Variants in EXT2 observed in about 807,000 individuals in gnomAD.
EXT2 encodes the protein exostosin glycosyltransferase 2.
Under a neutral mutation model 81.6 loss-of-function variants are expected in EXT2, and 53 were observed. That is an observed-to-expected ratio of 0.65 (90% CI 0.52 to 0.82). The LOEUF is 0.82. EXT2 is among the 40% of genes least tolerant of loss of function. EXT2 has a pLI of 0.00. For missense variants in EXT2, 774 were observed against 910.2 expected (o/e 0.85, Z 1.93); for synonymous variants, 320 against 340.0 (o/e 0.94, Z 0.65).
intron 10 of EXT2, among the ~76,000 whole-genome samples, chr11:44,227,257 C>A (rs1387339093): frequency 1.3e-5 from 2 of 152,202 alleles, no homozygotes; most frequent in East Asian, 1.9e-4. Flanking sequence ...GCATTAACTT[C>A]TTTTTAGGAC....
chr11:44,150,366 C>T (rs1490679331), intron 7 of EXT2, among the ~76,000 whole-genome samples: 1 of 152,058 alleles, frequency 6.6e-6, no homozygotes, highest in African/African-American at 2.4e-5. Context: ...GAAGACAAAA[C>T]CACAATAATG....
chr11:44,210,915 G>GTCAAAA (rs1955640314), intron 10 of EXT2, among the ~76,000 whole-genome samples: 1 of 152,192 alleles, frequency 6.6e-6, no homozygotes, highest in African/African-American at 2.4e-5. Flanking sequence ...AAACAATACA[G>GTCAAAA]TCAAAATCCC....
chr11:44,221,542 A>G (rs892962807), intron 10 of EXT2, among the ~76,000 whole-genome samples: 2 of 152,214 alleles, frequency 1.3e-5, no homozygotes, highest in African/African-American at 4.8e-5. Context: ...GGGATTGATT[A>G]CAGGGGAGCT....
At chr11:44,198,450 AC>A (rs1955484686) in intron 9 of EXT2, among the ~76,000 whole-genome samples, 1 of 151,788 alleles carries the variant, frequency 6.6e-6, no homozygotes, top group Non-Finnish European at 1.5e-5. Flanking sequence ...CCCTGTCCAG[AC>A]TTCAAGTCAG....
intron 10 of EXT2, among the ~76,000 whole-genome samples, chr11:44,221,704 T>C (rs1459880768): frequency 6.6e-6 from 1 of 152,106 alleles, no homozygotes; most frequent in Non-Finnish European, 1.5e-5. Flanking sequence ...CCAGGGTAAA[T>C]CAGAGCAGCC....
At chr11:44,167,154 G>A (rs554348439) in intron 7 of EXT2, among the ~76,000 whole-genome samples, 1 of 152,274 alleles carries the variant, frequency 6.6e-6, no homozygotes, top group Admixed American at 6.5e-5. Flanking sequence ...TTAGAGGTTG[G>A]AGTTAGGGCC....
chr11:44,153,683 TCCTTCTATTCCTAG>T (rs1488186984), intron 7 of EXT2, among the ~76,000 whole-genome samples: 13 of 152,124 alleles, frequency 8.5e-5, no homozygotes, highest in African/African-American at 2.9e-4. Flanking sequence ...AGAGGAAATT[TCCTTCTATTCCTAG>T]TTTGCTGAGA....
intron 8 of EXT2, among the ~76,000 whole-genome samples, chr11:44,179,989 ACCAGAGGT>A (rs1285096078): frequency 6.6e-6 from 1 of 152,210 alleles, no homozygotes; most frequent in Non-Finnish European, 1.5e-5. Context: ...CATTGCTTCA[ACCAGAGGT>A]TGATTCTTGA....
intron 6 of EXT2, among the ~76,000 whole-genome samples, chr11:44,129,786 A>G (rs1305291487): frequency 6.6e-6 from 1 of 152,212 alleles, no homozygotes; most frequent in East Asian, 1.9e-4. Flanking sequence ...TGGCTAGAGC[A>G]CACTAGTGGA....
At chr11:44,205,904 G>C (rs779456047) in intron 9 of EXT2, among the ~76,000 whole-genome samples, 1 of 152,150 alleles carries the variant, frequency 6.6e-6, no homozygotes, top group African/African-American at 2.4e-5. Flanking sequence ...CATGGGTACT[G>C]TACCAAAGAA....
intron 8 of EXT2, among the ~76,000 whole-genome samples, chr11:44,180,018 TC>T (rs1468447144): frequency 6.6e-6 from 1 of 152,252 alleles, no homozygotes; most frequent in Non-Finnish European, 1.5e-5. Flanking sequence ...CTTTTGGCTC[TC>T]CCTTTTTTTT....
rs1471608126 is a variant in EXT2 at position 44,244,281 on chromosome 11, C to T, written c.2151C>T (p.Ser717=). ...TGAAGAGCTTCCCCAACATTGGCAG[C>T]TTATGAAACGTGTCATTGGTGGAGG... ...EKLKSFPNIG[S]L Residue 717 remains serine, a synonymous_variant, in exon 14 of 14, where the codon AGC becomes AGT. Transcript: ENST00000533608. 1 of 1,614,032 alleles carries T rather than the reference C, an allele frequency of 6.2e-7. No homozygotes were observed. The highest frequency in any genetic ancestry group is 1.1e-5 in the South Asian group (1 of 91,064).
rs1956100001 is a variant in EXT2 at position 44,247,022 on chromosome 11, G to A, written c.*2735G>A. ...CTGAGCCACTGGCTTTGCCCCCAGG[G>A]GCCTAACTGGGATGGGCCTGCTTGG... On this transcript the variant is annotated 3_prime_UTR_variant, in exon 14 of 14. Coordinates refer to ENST00000533608, the MANE Select transcript of EXT2 (RefSeq NM_207122.2). 6.6e-6 allele frequency among the ~76,000 whole-genome samples: 1 copy of A among 152,240 alleles called. No individual in the cohort carries two copies. Among genetic ancestry groups the A allele is most frequent in the Admixed American group, 6.5e-5 (1 of 15,290 alleles).
intron 10 of EXT2, among the ~76,000 whole-genome samples, chr11:44,223,377 C>T (rs977199876): frequency 9.7e-4 from 147 of 152,238 alleles, no homozygotes; most frequent in African/African-American, 3.4e-3. Flanking sequence ...CTGAAATCAG[C>T]CCAGGCATCC....
intron 7 of EXT2, among the ~76,000 whole-genome samples, chr11:44,155,524 G>A (rs1954845387): frequency 6.6e-6 from 1 of 151,564 alleles, no homozygotes; most frequent in African/African-American, 2.4e-5. Context: ...GTTACCATGA[G>A]GCTTACAAAT....
chr11:44,171,482 T>A, intron 7 of EXT2, 129 bp from the exon 8 acceptor site: 1 of 1,401,908 alleles, frequency 7.1e-7, no homozygotes, highest in Non-Finnish European at 1.0e-6. Context: ...GCATATGCCC[T>A]AGGCACCCCC....
Position 44,251,879 on chromosome 11 carries a change from A to G in EXT2, c.*7592A>G, listed in dbSNP as rs1040452632. Among the ~76,000 whole-genome samples, 1 of 152,250 alleles carries G rather than the reference A, an allele frequency of 6.6e-6. No homozygotes were observed. Among genetic ancestry groups the G allele is most frequent in the Non-Finnish European group, 1.5e-5 (1 of 68,048 alleles). ...CAAAACAATGTACCTACTTTCGTCA[A>G]GCTTACATTCTAATGAGGAAGATAA... On this transcript the variant is annotated 3_prime_UTR_variant, in exon 14 of 14. Coordinates refer to ENST00000533608, the MANE Select transcript of EXT2 (RefSeq NM_207122.2).
At chr11:44,162,817 C>T (rs1047051085) in intron 7 of EXT2, among the ~76,000 whole-genome samples, 4 of 151,870 alleles carry the variant, frequency 2.6e-5, no homozygotes, top group African/African-American at 9.7e-5. Context: ...AAACATGTTT[C>T]CAGGAGTTGC....
intron 13 of EXT2, among the ~76,000 whole-genome samples, chr11:44,243,221 T>A (rs1956056793): frequency 6.6e-6 from 1 of 152,184 alleles, no homozygotes; most frequent in South Asian, 2.1e-4. Flanking sequence ...AAAAGCAGCT[T>A]TTCCAGGCGT....
Sources: allele counts gnomAD v4.1 joint callset (sites outside exome capture counted in the v4.1 genomes callset), GRCh38; gene constraint gnomAD v4.1.1; transcripts MANE v1.5; gene names NCBI Gene and HGNC (gene_info 2026-07-23, HGNC 2026-07-21).